The following SYNE1 variants were observed in gnomAD, a reference collection of about 807,000 sequenced individuals.
The protein encoded by SYNE1 is spectrin repeat containing nuclear envelope protein 1.
A neutral mutation model predicts 1,111.0 loss-of-function variants in SYNE1; 616 were observed. The ratio of observed to expected loss-of-function variants is 0.55; its 90% CI spans 0.52 to 0.59. The LOEUF (loss-of-function observed/expected upper bound fraction) is 0.59. Ranked by LOEUF, SYNE1 falls within the 20% of genes least tolerant of loss-of-function variation. SYNE1 has a pLI of 0.00. For synonymous variants in SYNE1, 3,855 were observed against 3,825.8 expected, an observed-to-expected ratio of 1.01 and a Z score of -0.28; for missense variants, 10,006 against 10,417.0, an observed-to-expected ratio of 0.96 and a Z score of 1.72.
Position 152,293,781 on chromosome 6 carries a change from T to C in SYNE1, c.17851-32A>G, listed in dbSNP as rs1478506880. 5 of 1,613,690 alleles carry C rather than the reference T, an allele frequency of 3.1e-6. No individual in the cohort carries two copies. The African/African-American group carries it at 6.7e-5, about 22-fold the overall frequency. On this transcript the variant is annotated intron_variant, in intron 94 of 145. Coordinates refer to ENST00000367255, the MANE Select transcript of SYNE1 (RefSeq NM_182961.4). ...CAGAAAAGGGATATTACCAAATGCTTCCCAGCCCCTTATCTTTCAGATTAC... is the reference window on the plus strand; with the variant it reads ...CAGAAAAGGGATATTACCAAATGCTCCCCAGCCCCTTATCTTTCAGATTAC...
intron 3 of SYNE1, among the ~76,000 whole-genome samples, chr6:152,551,663 A>T (rs1236187080): frequency 6.6e-6 from 1 of 152,246 alleles, no homozygotes; most frequent in Admixed American, 6.5e-5. Flanking sequence ...ATTAAAGATT[A>T]TTCTTGTGGA....
chr6:152,520,675 T>C (rs2099134615), intron 5 of SYNE1, 133 bp from the exon 6 acceptor site: 2 of 1,005,918 alleles, frequency 2.0e-6, no homozygotes, highest in Admixed American at 2.1e-5. Flanking sequence ...TCACTTTCTA[T>C]AAAGGTTAGC....
At chr6:152,323,126 C>G (rs2153934767) in intron 82 of SYNE1, among the ~76,000 whole-genome samples, 1 of 152,304 alleles carries the variant, frequency 6.6e-6, no homozygotes, top group East Asian at 1.9e-4. Context: ...ACTTCATAAC[C>G]TACTTATCCC....
At chr6:152,192,604 T>G (rs542734648) in intron 127 of SYNE1, among the ~76,000 whole-genome samples, 1 of 152,214 alleles carries the variant, frequency 6.6e-6, no homozygotes, top group East Asian at 1.9e-4. Flanking sequence ...CTCAAGTAGC[T>G]GGGACTACAG....
chr6:152,315,041 A>G (rs2095670342), intron 87 of SYNE1, among the ~76,000 whole-genome samples: 1 of 150,312 alleles, frequency 6.7e-6, no homozygotes, highest in African/African-American at 2.4e-5. Context: ...ATTATATTTT[A>G]TTATATGCAA....
At chr6:152,234,455 C>A (rs1029522314) in intron 111 of SYNE1, among the ~76,000 whole-genome samples, 1 of 152,008 alleles carries the variant, frequency 6.6e-6, no homozygotes, top group South Asian at 2.1e-4. Flanking sequence ...CTACCACGCC[C>A]GGCTAATATT....
intron 39 of SYNE1, among the ~76,000 whole-genome samples, chr6:152,420,945 G>A (rs966340100): frequency 6.6e-6 from 1 of 152,120 alleles, no homozygotes; most frequent in African/African-American, 2.4e-5. Flanking sequence ...TTAATGTATG[G>A]TAATATAGTT....
At chr6:152,543,841 A>G (rs2099288900) in intron 3 of SYNE1, among the ~76,000 whole-genome samples, 1 of 152,214 alleles carries the variant, frequency 6.6e-6, no homozygotes, top group Non-Finnish European at 1.5e-5. Flanking sequence ...GTACAGTCAC[A>G]TGCTGTACAA....
At chr6:152,582,720 A>G (rs2099524692) in intron 3 of SYNE1, among the ~76,000 whole-genome samples, 1 of 152,080 alleles carries the variant, frequency 6.6e-6, no homozygotes. Context: ...TTATTTTTCA[A>G]TCATCAGCCT....
At chr6:152,274,404 T>C (rs1413456974) in intron 98 of SYNE1, among the ~76,000 whole-genome samples, 1 of 152,168 alleles carries the variant, frequency 6.6e-6, no homozygotes, top group African/African-American at 2.4e-5. Flanking sequence ...CTTTCCTTAT[T>C]GTTTTACAAA....
At chr6:152,442,038 G>T in intron 31 of SYNE1, 37 bp downstream of exon 31, 8 of 1,612,686 alleles carry the variant, frequency 5.0e-6, no homozygotes, top group Non-Finnish European at 6.8e-6. Context: ...ACACTGCCCA[G>T]CCTCTGTTTA....
At position 152,216,025 on chromosome 6, in the gene SYNE1, G is replaced by T. The variant is rs376870944; in HGVS notation, c.22192-965C>A. On this transcript the variant is annotated intron_variant, in intron 121 of 145. Coordinates refer to ENST00000367255, the MANE Select transcript of SYNE1 (RefSeq NM_182961.4). The stretch of plus-strand genomic sequence containing the variant: ...CTCCCTTCAAACACAGGACAATGTT[G>T]TCGGTTCTGATTTTCCCATGGGTAT... Among the ~76,000 whole-genome samples the T allele has an allele frequency of 2.0e-4, 30 of 152,294 alleles. 1 individual carries two copies. In the South Asian group the frequency reaches 6.0e-3, roughly 30 times the overall value.
rs1283900234 is a variant in SYNE1, at chr6:152,358,523, C to T, written c.10458G>A (p.Lys3486=). 1 of 1,614,112 alleles carries T rather than the reference C, an allele frequency of 6.2e-7. No homozygotes were observed. Among genetic ancestry groups the T allele is most frequent in the Admixed American group, 1.7e-5 (1 of 60,020 alleles). Residue 3486 remains lysine (K), a synonymous_variant, in exon 66 of 146, where the codon AAG becomes AAA. Coordinates refer to ENST00000367255, the MANE Select transcript of SYNE1 (RefSeq NM_182961.4). ...IQERAKEAVT[K]SEKLVRLHQE... is the part of the protein sequence containing the mutation. ...GGTGCAGGCGGACAAGTTTTTCAGA[C>T]TTGGTTACGGCTTCCTATAATTAGC...
At position 152,350,221 on chromosome 6, in the gene SYNE1, G is replaced by A. The variant is rs182154754; in HGVS notation, c.11848C>T (p.Leu3950Phe). 1.9e-5 allele frequency: 31 copies of A among 1,614,054 alleles called. No individual in the cohort carries two copies. In the Admixed American group the frequency reaches 2.8e-4, roughly 15 times the overall value. The stretch of plus-strand genomic sequence containing the variant: ...GTCTCCAGGCTGCTTGTCTCCAGGA[G>A]GTCAGGTGCCACCAGTCTGCCAGAC... ...QMSGRLVAPDLLETSSLETIT... is the reference protein window; with the variant it reads ...QMSGRLVAPDFLETSSLETIT... The change falls in exon 72 of 146, where the codon CTC becomes TTC. Residue 3950 changes from leucine (L) to phenylalanine (F), a missense_variant. Leu to Phe is a conservative substitution (Grantham distance 22). This residue lies in a region of SYNE1 where 4,955 missense variants were observed against 5,017.2 expected (regional missense o/e 0.99). Coordinates refer to ENST00000367255, the MANE Select transcript of SYNE1 (RefSeq NM_182961.4).
rs759491374 is a variant in SYNE1, at chr6:152,409,055, G to A, written c.6540+13C>T. 6.2e-7 allele frequency: 1 copy of A among 1,613,254 alleles called. No individual in the cohort carries two copies. The highest frequency in any genetic ancestry group is 8.5e-7 in the Non-Finnish European group (1 of 1,179,336). The stretch of plus-strand genomic sequence containing the variant: ...ATTTAAATAGTTCACAGAATCCCAG[G>A]TGATTATCTTACATCCAGCCATTTG... On this transcript the variant is annotated intron_variant, in intron 44 of 145. Coordinates refer to ENST00000367255, the MANE Select transcript of SYNE1 (RefSeq NM_182961.4).
chr6:152,523,546 C>T (rs2099150408), intron 5 of SYNE1, among the ~76,000 whole-genome samples: 1 of 151,874 alleles, frequency 6.6e-6, no homozygotes, highest in Non-Finnish European at 1.5e-5. Context: ...GTCTTTTTTG[C>T]TTCCACGTGA....
intron 96 of SYNE1, among the ~76,000 whole-genome samples, chr6:152,283,144 A>T (rs947962868): frequency 6.6e-6 from 1 of 152,320 alleles, no homozygotes; most frequent in Admixed American, 6.5e-5. Context: ...AGAACAAATA[A>T]AAAAGGAAGA....
intron 3 of SYNE1, among the ~76,000 whole-genome samples, chr6:152,545,090 G>T (rs541040099): frequency 6.6e-6 from 1 of 152,042 alleles, no homozygotes; most frequent in African/African-American, 2.4e-5. Context: ...GACAGTAAAT[G>T]AAATTAGTAT....
At chr6:152,614,389 T>A (rs1187218678) in intron 3 of SYNE1, among the ~76,000 whole-genome samples, 1 of 152,144 alleles carries the variant, frequency 6.6e-6, no homozygotes, top group African/African-American at 2.4e-5. Flanking sequence ...AAAATGCTCA[T>A]CATCACTTGT....
Sources: allele counts gnomAD v4.1 joint callset (sites outside exome capture counted in the v4.1 genomes callset), GRCh38; gene constraint gnomAD v4.1.1; regional missense constraint gnomAD v4.1.1; transcripts MANE v1.5; gene names NCBI Gene and HGNC (gene_info 2026-07-23, HGNC 2026-07-21).